The following EVC2 variants were observed in gnomAD, a reference collection of about 807,000 sequenced individuals.
EVC2 encodes the protein EvC ciliary complex subunit 2, also known as limbin.
EVC2 carries 148 observed loss-of-function variants against 149.3 expected under a neutral mutation model. The observed-to-expected ratio is 0.99, with a 90% CI of 0.87 to 1.14. The LOEUF (loss-of-function observed/expected upper bound fraction) is 1.14, where lower values mean the gene tolerates loss of function less well. EVC2 is among the 50% of genes most tolerant of loss of function. The probability of loss-of-function intolerance (pLI) is 0.00; values close to 1 mark genes in which losing one functional copy is unlikely to be tolerated. For synonymous variants in EVC2, 776 were observed against 649.9 expected (o/e 1.19, Z -2.95); for missense variants, 1,854 against 1,627.3 (o/e 1.14, Z -2.40).
chr4:5,700,580 G>A (rs574688668), intron 1 of EVC2, among the ~76,000 whole-genome samples: 1 of 152,262 alleles, frequency 6.6e-6, no homozygotes, highest in South Asian at 2.1e-4. Flanking sequence ...AAGGACCCAG[G>A]CTGACCTCCA....
At chr4:5,624,433 C>T (rs1715953922) in intron 13 of EVC2, among the ~76,000 whole-genome samples, 1 of 152,208 alleles carries the variant, frequency 6.6e-6, no homozygotes, top group African/African-American at 2.4e-5. Context: ...AGAATCAATT[C>T]ATTCATTCTA....
At chr4:5,591,625 T>A (rs1034747387) in intron 16 of EVC2, among the ~76,000 whole-genome samples, 2 of 152,208 alleles carry the variant, frequency 1.3e-5, no homozygotes, top group Non-Finnish European at 2.9e-5. Flanking sequence ...GTATATACTG[T>A]ATGAACAACA....
At chr4:5,666,908 G>T (rs901699222) in intron 7 of EVC2, among the ~76,000 whole-genome samples, 1 of 152,184 alleles carries the variant, frequency 6.6e-6, no homozygotes. Context: ...TTGACTGATA[G>T]TATGGCTGGC....
At chr4:5,619,833 T>C (rs1317347731) in intron 14 of EVC2, among the ~76,000 whole-genome samples, 1 of 152,136 alleles carries the variant, frequency 6.6e-6, no homozygotes, top group East Asian at 1.9e-4. Flanking sequence ...GCTCAGAAAG[T>C]CTGGACAGAA....
chr4:5,615,673 CAG>C (rs1715194226), intron 15 of EVC2, 129 bp from the exon 16 acceptor site: 1 of 1,331,826 alleles, frequency 7.5e-7, no homozygotes, highest in African/African-American at 1.5e-5. Flanking sequence ...TGCCTTAGGC[CAG>C]AGAGGGGAGG....
Position 5,686,188 on chromosome 4 carries a change from T to C in EVC2, c.707-709A>G, listed in dbSNP as rs1419200449. On this transcript the variant is annotated intron_variant, in intron 5 of 21. Transcript: ENST00000344408. The surrounding 1 kb of genome is among the most constrained non-coding windows in gnomAD (Gnocchi z 5.4). ...TAAGGAATCACTGGCATTTTTGTTT[T>C]AAAAATCCTCAACATTTTCATTTTT... is the stretch of plus-strand genomic sequence containing the variant. 1.3e-5 allele frequency among the ~76,000 whole-genome samples: 2 copies of C among 151,994 alleles called. No homozygotes were observed. The highest frequency in any genetic ancestry group is 2.9e-5 in the Non-Finnish European group (2 of 68,034).
intron 17 of EVC2, among the ~76,000 whole-genome samples, chr4:5,582,575 G>A (rs1453650835): frequency 6.6e-6 from 1 of 152,176 alleles, no homozygotes; most frequent in East Asian, 1.9e-4. Context: ...ACTTATAATT[G>A]TCTCAGATGA....
intron 16 of EVC2, among the ~76,000 whole-genome samples, chr4:5,592,337 G>A (rs1282125186): frequency 6.6e-6 from 1 of 152,188 alleles, no homozygotes; most frequent in African/African-American, 2.4e-5. Flanking sequence ...GCCCTCCTTG[G>A]AGAAAAGTGG....
At chr4:5,544,812 G>A (rs12650533) in intron 21 of EVC2, among the ~76,000 whole-genome samples, 45,101 of 151,868 alleles carry the variant, frequency 0.3, 8,013 homozygotes, top group East Asian at 0.86. Context: ...ATCAAAACTC[G>A]GTTTCTCAAC....
intron 7 of EVC2, among the ~76,000 whole-genome samples, 160 bp from the exon 8 acceptor site, chr4:5,665,809 C>T (rs1719242712): frequency 6.6e-6 from 1 of 152,206 alleles, no homozygotes; most frequent in Non-Finnish European, 1.5e-5. Context: ...CCTGGAGGCC[C>T]TCGCTGGTCC....
intron 1 of EVC2, among the ~76,000 whole-genome samples, chr4:5,699,101 G>C (rs1721666495): frequency 6.6e-6 from 1 of 152,188 alleles, no homozygotes; most frequent in African/African-American, 2.4e-5. Flanking sequence ...TTCCCCCAAA[G>C]GTGTGGAGGA....
chr4:5,557,131 T>C (rs1023377053), intron 21 of EVC2, among the ~76,000 whole-genome samples: 1 of 152,078 alleles, frequency 6.6e-6, no homozygotes, highest in Non-Finnish European at 1.5e-5. Context: ...AAAGGAAAAC[T>C]AGAGACCTAT....
chr4:5,583,475 T>C (rs1019540448), intron 17 of EVC2, among the ~76,000 whole-genome samples: 6 of 152,060 alleles, frequency 3.9e-5, no homozygotes, highest in African/African-American at 1.4e-4. Flanking sequence ...ACTACTGGAG[T>C]TGGGTGTCTT....
chr4:5,562,769 T>C lies in EVC2; in HGVS notation c.*79A>G. On this transcript the variant is annotated 3_prime_UTR_variant, in exon 22 of 22. Transcript: ENST00000344408. The surrounding 1 kb of genome is among the most constrained non-coding windows in gnomAD (Gnocchi z 4.3). ...CAATTTATATTTGCGAGTTGTGCAT[T>C]ATAAACACACAAACACCGGCGGGCA... 6.2e-7 allele frequency: 1 copy of C among 1,604,616 alleles called. No individual in the cohort carries two copies. The highest frequency in any genetic ancestry group is 8.5e-7 in the Non-Finnish European group (1 of 1,179,848).
At chr4:5,693,547 G>A (rs1721266170) in intron 3 of EVC2, among the ~76,000 whole-genome samples, 1 of 152,226 alleles carries the variant, frequency 6.6e-6, no homozygotes, top group South Asian at 2.1e-4. Flanking sequence ...CCTAGAGCCT[G>A]CAGAGGGAGC....
At chr4:5,605,023 T>C (rs1481251489) in intron 16 of EVC2, among the ~76,000 whole-genome samples, 1 of 152,140 alleles carries the variant, frequency 6.6e-6, no homozygotes, top group African/African-American at 2.4e-5. Flanking sequence ...CCACTTCCAC[T>C]TAATGAACAG....
Position 5,609,304 on chromosome 4 carries a change from T to G in EVC2, c.2829+6118A>C, listed in dbSNP as rs138896783. ...TCAAGCAACTCTTAGTTGTGGGCATTCACAGAACGAGAGCTGTCATTTTTC... is the reference window on the plus strand; with the variant it reads ...TCAAGCAACTCTTAGTTGTGGGCATGCACAGAACGAGAGCTGTCATTTTTC... On this transcript the variant is annotated intron_variant, in intron 16 of 21. Transcript: ENST00000344408. Among the ~76,000 whole-genome samples the G allele has an allele frequency of 5.3e-3, 811 of 152,310 alleles. 5 individuals are homozygous for G. Among genetic ancestry groups the G allele is most frequent in the Middle Eastern group, 0.024 (7 of 294 alleles).
intron 16 of EVC2, among the ~76,000 whole-genome samples, chr4:5,598,726 C>A (rs549722083): frequency 1.6e-4 from 25 of 152,138 alleles, no homozygotes; most frequent in African/African-American, 4.3e-4. Flanking sequence ...AATGGGATCT[C>A]ATTAAACTAA....
Position 5,640,001 on chromosome 4 carries a change from C to CTGGA in EVC2, c.1470+509_1470+512dup, listed in dbSNP as rs1242066004. 6.6e-6 allele frequency among the ~76,000 whole-genome samples: 1 copy of CTGGA among 152,216 alleles called. No homozygotes were observed. Among genetic ancestry groups the CTGGA allele is most frequent in the Non-Finnish European group, 1.5e-5 (1 of 68,004 alleles). ...TCAACACATTTTTGCTAAATGAATT[C>CTGGA]TGGATGGATGGATGGGTGGATGAGT... is the stretch of plus-strand genomic sequence containing the variant. On this transcript the variant is annotated intron_variant, in intron 10 of 21. Transcript: ENST00000344408. The surrounding 1 kb of genome is among the most constrained non-coding windows in gnomAD (Gnocchi z 4.6).
Sources: gnomAD v4.1 joint callset for allele counts (sites outside exome capture counted in the v4.1 genomes callset) on GRCh38, gnomAD v4.1.1 for gene constraint, Gnocchi (gnomAD v3.1) non-coding constraint, MANE v1.5 for transcripts, NCBI Gene and HGNC (gene_info 2026-07-23, HGNC 2026-07-21) for gene names.